Variants in CLCN3 observed in about 807,000 individuals in gnomAD.
CLCN3 encodes H(+)/Cl(-) exchange transporter 3.
In CLCN3, 16 loss-of-function variants were observed where a neutral mutation model predicts 83.4. The observed-to-expected ratio is 0.19, with a 90% confidence interval of 0.13 to 0.29. CLCN3 has a LOEUF of 0.29. Ranked by LOEUF, CLCN3 falls within the 10% of genes least tolerant of loss-of-function variation. The pLI is 1.00. For synonymous variants in CLCN3, 322 were observed against 346.2 expected, an observed-to-expected ratio of 0.93 and a Z score of 0.78; for missense variants, 544 against 1,006.0, an observed-to-expected ratio of 0.54 and a Z score of 6.21.
At chr4:169,648,082 A>T (rs946798116) in intron 2 of CLCN3, among the ~76,000 whole-genome samples, 1 of 152,224 alleles carries the variant, frequency 6.6e-6, no homozygotes, top group African/African-American at 2.4e-5. Context: ...ACTAGGAAAG[A>T]CTGAAAAACT....
At chr4:169,662,644 AT>A (rs1180398534) in intron 2 of CLCN3, 1 of 152,194 alleles carries the variant, frequency 6.6e-6, no homozygotes, top group African/African-American at 2.4e-5. Context: ...TGTTTAGTAA[AT>A]CCCTGAGTGC....
At chr4:169,670,587 T>C (rs1050532488) in intron 2 of CLCN3, among the ~76,000 whole-genome samples, 14 of 152,234 alleles carry the variant, frequency 9.2e-5, no homozygotes, top group African/African-American at 3.4e-4. Flanking sequence ...AGGATTGTCT[T>C]GGCCATACGG....
rs1732214996 is a variant in CLCN3 at position 169,687,673 on chromosome 4, A to G, written c.334A>G (p.Lys112Glu). The change falls in exon 4 of 13, where the codon AAA (lysine) becomes GAA (glutamate). Residue 112 changes from lysine (K) to glutamate (E), a missense_variant. Coordinates refer to ENST00000513761, the MANE Select transcript of CLCN3 (RefSeq NM_001829.4). Reference protein sequence around the residue: ...ERHRRINSKKKESAWEMTKSL... With the variant: ...ERHRRINSKKEESAWEMTKSL... ...CTAATTTCAGATCAACAGCAAAAAG[A>G]AAGAATCAGCATGGGAAATGACAAA... 6.2e-7 allele frequency: 1 copy of G among 1,609,550 alleles called. No homozygotes were observed. The highest frequency in any genetic ancestry group is 1.7e-5 in the Admixed American group (1 of 59,586).
chr4:169,651,689 A>G (rs1730736080), intron 2 of CLCN3, among the ~76,000 whole-genome samples: 1 of 152,184 alleles, frequency 6.6e-6, no homozygotes, highest in South Asian at 2.1e-4. Flanking sequence ...TCAGTACAGA[A>G]CAACCATCCA....
intron 9 of CLCN3, 112 bp from the exon 10 acceptor site, chr4:169,703,886 T>C: frequency 9.6e-7 from 1 of 1,045,308 alleles, no homozygotes; most frequent in Non-Finnish European, 1.4e-6. Flanking sequence ...TTTTGCTATA[T>C]TAATACAATG....
intron 2 of CLCN3, among the ~76,000 whole-genome samples, chr4:169,670,391 G>T (rs1731410933): frequency 6.6e-6 from 1 of 152,120 alleles, no homozygotes; most frequent in South Asian, 2.1e-4. Flanking sequence ...CCCATTACTT[G>T]TTTTTGTCAA....
At chr4:169,678,993 C>T (rs28509449) in intron 2 of CLCN3, among the ~76,000 whole-genome samples, 1 of 150,708 alleles carries the variant, frequency 6.6e-6, no homozygotes, top group African/African-American at 2.4e-5. Context: ...GGCGGCCGGG[C>T]GGAGGCGCCC....
At chr4:169,701,450 T>G (rs556756509) in intron 9 of CLCN3, among the ~76,000 whole-genome samples, 1 of 152,338 alleles carries the variant, frequency 6.6e-6, no homozygotes, top group East Asian at 1.9e-4. Context: ...ATTGATATTT[T>G]GACCTCCTCC....
intron 2 of CLCN3, among the ~76,000 whole-genome samples, chr4:169,653,640 CAAA>C (rs70964215): frequency 1.2e-4 from 9 of 73,620 alleles, no homozygotes; most frequent in South Asian, 6.0e-4. Context: ...GACTCCGTCT[CAAA>C]AAAAAAAAAA....
intron 2 of CLCN3, among the ~76,000 whole-genome samples, chr4:169,655,445 A>G (rs1008616319): frequency 1.3e-5 from 2 of 152,212 alleles, no homozygotes; most frequent in Non-Finnish European, 2.9e-5. Context: ...GCATTAAAAC[A>G]GGTTTGCCGG....
chr4:169,668,692 A>G (rs1228774291), intron 2 of CLCN3, among the ~76,000 whole-genome samples: 1 of 150,558 alleles, frequency 6.6e-6, no homozygotes, highest in African/African-American at 2.4e-5. Context: ...AATAGTAGTC[A>G]CTGGCATCCG....
chr4:169,690,137 CT>C (rs397769904), intron 5 of CLCN3, among the ~76,000 whole-genome samples: 3 of 110,464 alleles, frequency 2.7e-5, no homozygotes, highest in African/African-American at 7.1e-5. Context: ...TCTTTTCTTT[CT>C]TTTTTTTTTT....
chr4:169,640,950 A>G (rs1238449970), intron 2 of CLCN3, among the ~76,000 whole-genome samples: 1 of 152,132 alleles, frequency 6.6e-6, no homozygotes, highest in Non-Finnish European at 1.5e-5. Context: ...ATCCTTTTTT[A>G]TCACACCTGA....
chr4:169,684,166 T>A (rs929087193), intron 3 of CLCN3, among the ~76,000 whole-genome samples: 9 of 152,246 alleles, frequency 5.9e-5, no homozygotes, highest in African/African-American at 2.2e-4. Flanking sequence ...AAATTGTCAT[T>A]CTGTAATTTC....
intron 2 of CLCN3, among the ~76,000 whole-genome samples, chr4:169,655,437 A>G (rs1730852195): frequency 6.6e-6 from 1 of 152,238 alleles, no homozygotes; most frequent in South Asian, 2.1e-4. Flanking sequence ...TTGTTTAGGC[A>G]TTAAAACAGG....
At chr4:169,676,547 CG>C (rs1731685144) in intron 2 of CLCN3, among the ~76,000 whole-genome samples, 1 of 151,342 alleles carries the variant, frequency 6.6e-6, no homozygotes, top group African/African-American at 2.4e-5. Flanking sequence ...GCTCTTGGCC[CG>C]GTTGAAATGC....
Position 169,695,709 on chromosome 4 carries a change from C to A in CLCN3, c.1017+17C>A. 6.5e-7 allele frequency: 1 copy of A among 1,532,662 alleles called. No homozygotes were observed. The highest frequency in any genetic ancestry group is 9.0e-7 in the Non-Finnish European group (1 of 1,110,784). 94.9% of individuals were successfully genotyped at this position (1,532,662 alleles called of 1,614,324 possible). ...CTGGAAGAGGTAGGTGAAAAGAATA[C>A]AACAATTAAAATTATATATAATTAC... On this transcript the variant is annotated intron_variant, in intron 8 of 12. Transcript: ENST00000513761.
At chr4:169,695,311 C>T (rs1337675238) in intron 7 of CLCN3, among the ~76,000 whole-genome samples, 3 of 152,256 alleles carry the variant, frequency 2.0e-5, no homozygotes, top group Middle Eastern at 3.4e-3. Flanking sequence ...CACAAACATA[C>T]GTCTTGAAAA....
chr4:169,711,649 CTGATCA>C (rs1243125015), intron 11 of CLCN3, among the ~76,000 whole-genome samples: 1 of 152,056 alleles, frequency 6.6e-6, no homozygotes, highest in Non-Finnish European at 1.5e-5. Context: ...TGCGCCTGGC[CTGATCA>C]TGCTTTTAAG....
Sources: gnomAD v4.1 joint callset for allele counts (sites outside exome capture counted in the v4.1 genomes callset) on GRCh38, gnomAD v4.1.1 for gene constraint, MANE v1.5 for transcripts, NCBI Gene and HGNC (gene_info 2026-07-23, HGNC 2026-07-21) for gene names.